The following NKAIN2 variants were observed in gnomAD, a reference collection of about 807,000 sequenced individuals.
NKAIN2 encodes the protein sodium/potassium-transporting ATPase subunit beta-1-interacting protein 2.
In NKAIN2, 14 loss-of-function variants were observed where a neutral mutation model predicts 32.6. The observed-to-expected ratio is 0.43, with a 90% CI of 0.28 to 0.67. NKAIN2 has a LOEUF of 0.67. Among genes scored for constraint, NKAIN2 ranks in the 30% least tolerant of loss-of-function variants. The pLI is 0.17. For missense variants in NKAIN2, 198 were observed against 258.3 expected (o/e 0.77, Z 1.60); for synonymous variants, 80 against 87.2 (o/e 0.92, Z 0.46).
chr6:123,921,385 A>G (rs747990171), intron 1 of NKAIN2, among the ~76,000 whole-genome samples: 7 of 152,208 alleles, frequency 4.6e-5, no homozygotes, highest in African/African-American at 1.2e-4. Flanking sequence ...TGGCTCTGGA[A>G]ATAATCAGCA....
At chr6:124,058,920 A>G (rs541386247) in intron 1 of NKAIN2, among the ~76,000 whole-genome samples, 9 of 152,182 alleles carry the variant, frequency 5.9e-5, no homozygotes, top group African/African-American at 2.2e-4. Flanking sequence ...CTTTACAGGA[A>G]AAGTTTGGCA....
intron 4 of NKAIN2, among the ~76,000 whole-genome samples, chr6:124,712,733 C>T (rs1367840713): frequency 2.0e-5 from 3 of 151,790 alleles, no homozygotes; most frequent in South Asian, 4.2e-4. Flanking sequence ...AACCTGGTAC[C>T]TCAGATGGAA....
intron 1 of NKAIN2, among the ~76,000 whole-genome samples, chr6:123,988,742 T>C (rs557627327): frequency 6.6e-6 from 1 of 152,356 alleles, no homozygotes; most frequent in African/African-American, 2.4e-5. Context: ...TGGTTGTTGC[T>C]AATAATACAG....
intron 3 of NKAIN2, among the ~76,000 whole-genome samples, chr6:124,531,497 CTG>C (rs1410215421): frequency 6.6e-6 from 1 of 152,082 alleles, no homozygotes; most frequent in Non-Finnish European, 1.5e-5. Flanking sequence ...GGATATTGTT[CTG>C]TGTTTTCCTT....
intron 1 of NKAIN2, among the ~76,000 whole-genome samples, 181 bp downstream of exon 1, chr6:123,804,435 A>G (rs1294348079): frequency 6.6e-6 from 1 of 152,134 alleles, no homozygotes; most frequent in Non-Finnish European, 1.5e-5. Context: ...AGGAGAGGTG[A>G]GCCTTTCCGT....
At chr6:124,194,122 A>G (rs1389491423) in intron 1 of NKAIN2, among the ~76,000 whole-genome samples, 1 of 151,746 alleles carries the variant, frequency 6.6e-6, no homozygotes, top group Non-Finnish European at 1.5e-5. Flanking sequence ...GGGCCCAGAA[A>G]AAGCACCACA....
intron 1 of NKAIN2, among the ~76,000 whole-genome samples, chr6:124,224,976 C>A (rs1484726408): frequency 6.6e-6 from 1 of 151,892 alleles, no homozygotes; most frequent in African/African-American, 2.4e-5. Flanking sequence ...CTACAGTGGG[C>A]CCCAAGGTAA....
intron 1 of NKAIN2, among the ~76,000 whole-genome samples, chr6:123,932,364 T>TCC (rs1210255007): frequency 6.7e-6 from 1 of 149,626 alleles, no homozygotes; most frequent in Non-Finnish European, 1.5e-5. Flanking sequence ...CATTTACAAA[T>TCC]CAACATGTGT....
intron 1 of NKAIN2, among the ~76,000 whole-genome samples, chr6:123,959,092 G>T (rs967906287): frequency 6.6e-6 from 1 of 152,156 alleles, no homozygotes; most frequent in African/African-American, 2.4e-5. Flanking sequence ...AAGAGAGTTT[G>T]TGAGAGGGGT....
Position 124,823,424 on chromosome 6 carries a change from C to T in NKAIN2, c.*195C>T, listed in dbSNP as rs1159843814. 1.9e-6 allele frequency: 1 copy of T among 533,904 alleles called. No individual in the cohort carries two copies. Among genetic ancestry groups the T allele is most frequent in the Non-Finnish European group, 3.4e-6 (1 of 298,418 alleles). 33.1% of individuals were successfully genotyped at this position (533,904 alleles called of 1,614,324 possible). The stretch of plus-strand genomic sequence containing the variant: ...CGTGAGCACGCACACACCAATTCCA[C>T]TTGACCTCCTCTTTCTAACTGAAAC... On this transcript the variant is annotated 3_prime_UTR_variant, in exon 7 of 7. Coordinates refer to ENST00000368417, the MANE Select transcript of NKAIN2 (RefSeq NM_001040214.3).
intron 1 of NKAIN2, among the ~76,000 whole-genome samples, chr6:123,996,460 A>G (rs1160381291): frequency 6.6e-6 from 1 of 152,110 alleles, no homozygotes; most frequent in Non-Finnish European, 1.5e-5. Context: ...AAAGTTAGCT[A>G]CCAAGCTTGT....
intron 1 of NKAIN2, among the ~76,000 whole-genome samples, chr6:123,881,652 A>G (rs1008214528): frequency 6.6e-6 from 1 of 152,126 alleles, no homozygotes; most frequent in Admixed American, 6.5e-5. Flanking sequence ...AATGTTTTCT[A>G]TTTGTGGATT....
chr6:123,962,609 T>C (rs1388468329), intron 1 of NKAIN2, among the ~76,000 whole-genome samples: 2 of 152,192 alleles, frequency 1.3e-5, no homozygotes, highest in African/African-American at 4.8e-5. Context: ...TCACTTTTCT[T>C]TACACAGGTG....
intron 4 of NKAIN2, among the ~76,000 whole-genome samples, chr6:124,742,789 T>A (rs1394347340): frequency 6.6e-6 from 1 of 151,796 alleles, no homozygotes; most frequent in Admixed American, 6.6e-5. Flanking sequence ...ACCTAGGACA[T>A]CATCCAAGCC....
At chr6:124,715,462 T>A (rs1583706661) in intron 4 of NKAIN2, among the ~76,000 whole-genome samples, 7 of 152,154 alleles carry the variant, frequency 4.6e-5, no homozygotes, top group Admixed American at 4.6e-4. Context: ...CTCTGCTCCG[T>A]GAGCCACTCT....
intron 2 of NKAIN2, among the ~76,000 whole-genome samples, chr6:124,310,303 C>T (rs1020849673): frequency 1.6e-4 from 25 of 151,766 alleles, no homozygotes; most frequent in Admixed American, 9.2e-4. Flanking sequence ...ATTATAAGTG[C>T]CTTGTATTGC....
At chr6:124,012,262 T>C (rs1311612138) in intron 1 of NKAIN2, among the ~76,000 whole-genome samples, 8 of 151,998 alleles carry the variant, frequency 5.3e-5, no homozygotes, top group African/African-American at 4.8e-5. Context: ...CCACTATAGA[T>C]TGATTCCCAT....
chr6:124,082,643 A>G (rs1784027351), intron 1 of NKAIN2, among the ~76,000 whole-genome samples: 2 of 152,094 alleles, frequency 1.3e-5, no homozygotes, highest in Admixed American at 6.6e-5. Context: ...AATATAAAAA[A>G]AAAAGATCTT....
At chr6:124,456,187 T>TC (rs1776315004) in intron 3 of NKAIN2, among the ~76,000 whole-genome samples, 2 of 151,932 alleles carry the variant, frequency 1.3e-5, no homozygotes, top group Non-Finnish European at 2.9e-5. Context: ...TTTGGACAGT[T>TC]CTAATGTCAA....
Sources: gnomAD v4.1 joint callset for allele counts (sites outside exome capture counted in the v4.1 genomes callset) on GRCh38, gnomAD v4.1.1 for gene constraint, MANE v1.5 for transcripts, NCBI Gene and HGNC (gene_info 2026-07-23, HGNC 2026-07-21) for gene names.